GPS1: variants seen among roughly 807,000 people sequenced by gnomAD.
GPS1 encodes the protein COP9 signalosome complex subunit 1.
Under a neutral mutation model 60.0 loss-of-function variants are expected in GPS1, and 11 were observed. That is an observed-to-expected ratio of 0.18 (90% confidence interval 0.12 to 0.30). GPS1 has a LOEUF of 0.30. Ranked by LOEUF, GPS1 falls within the 10% of genes least tolerant of loss-of-function variation. GPS1 has a pLI of 1.00. For synonymous variants in GPS1, 343 were observed against 269.8 expected, an observed-to-expected ratio of 1.27 and a Z score of -2.66; for missense variants, 543 against 669.2, an observed-to-expected ratio of 0.81 and a Z score of 2.08.
Position 82,055,838 on chromosome 17 carries a change from C to T in GPS1, c.834+13C>T, listed in dbSNP as rs1200138932. On this transcript the variant is annotated intron_variant, in intron 7 of 12. Coordinates refer to ENST00000578552, the MANE Select transcript of GPS1 (RefSeq NM_001321092.3). ...TGACTTCCCTGAGGTGAGGAGCCCTCTGGGGACTTGGGAGGCAGAGCATGG... is the reference window on the plus strand; with the variant it reads ...TGACTTCCCTGAGGTGAGGAGCCCTTTGGGGACTTGGGAGGCAGAGCATGG... 2 of 1,558,406 alleles carry T rather than the reference C, an allele frequency of 1.3e-6. No individual in the cohort carries two copies. Among genetic ancestry groups the T allele is most frequent in the South Asian group, 2.3e-5 (2 of 85,142 alleles).
At chr17:82,052,586 G>T in intron 1 of GPS1, 1 of 1,199,058 alleles carries the variant, frequency 8.3e-7, no homozygotes. Context: ...CGCAGGAGGG[G>T]AGGGAGCCCC....
At chr17:82,055,915 G>T (rs2032576095) in intron 7 of GPS1, 86 bp from the exon 8 acceptor site, 2 of 1,436,734 alleles carry the variant, frequency 1.4e-6, no homozygotes, top group South Asian at 2.4e-5. Context: ...CACAAATGGG[G>T]TCTTAGGCAT....
At chr17:82,053,388 C>G (rs1306247809) in intron 2 of GPS1, 22 bp downstream of exon 2, 1 of 1,441,854 alleles carries the variant, frequency 6.9e-7, no homozygotes, top group Non-Finnish European at 9.1e-7. Context: ...AGTGGGGGGA[C>G]CTTGGGTGTC....
Position 82,054,891 on chromosome 17 carries a change from C to G in GPS1, c.610-7C>G, listed in dbSNP as rs748433801. 26 of 1,576,788 alleles carry G rather than the reference C, an allele frequency of 1.6e-5. No homozygotes were observed. The highest frequency in any genetic ancestry group is 2.2e-5 in the Non-Finnish European group (26 of 1,158,936). Reference sequence around the variant, plus strand: ...CGGGCTCACTTGGCTCTGCGCCCCCCCGCCAGGTCAGCGTCTACTTGCAGA... The same window carrying G: ...CGGGCTCACTTGGCTCTGCGCCCCCGCGCCAGGTCAGCGTCTACTTGCAGA... On this transcript the variant is annotated splice_region_variant and splice_polypyrimidine_tract_variant and intron_variant, in intron 4 of 12. Transcript: ENST00000578552.
At chr17:82,051,232 T>TTTC (rs2030510294), upstream of GPS1, 4 of 1,318,234 alleles carry the variant, frequency 3.0e-6, no homozygotes, top group African/African-American at 6.1e-5. The surrounding 1 kb of genome is among the most constrained non-coding windows in gnomAD (Gnocchi z 4.1). Context: ...GGGCCGTGGC[T>TTTC]TCGGAGCGAG....
Position 82,053,285 on chromosome 17 carries a change from G to A in GPS1, c.45G>A (p.Glu15=). ...GGCCCATGTTGCAGGGGGCCGTGGA[G>A]CCCATGCAGATCGACGTGGACCCCC... ...VQVFNLQGAV[E]PMQIDVDPQE... Residue 15 remains glutamate (E), a synonymous_variant, in exon 2 of 13, where the codon GAG becomes GAA. Coordinates refer to ENST00000578552, the MANE Select transcript of GPS1 (RefSeq NM_001321092.3). 6.5e-7 allele frequency: 1 copy of A among 1,547,616 alleles called. No individual in the cohort carries two copies. The highest frequency in any genetic ancestry group is 8.7e-7 in the Non-Finnish European group (1 of 1,155,934).
upstream of GPS1, chr17:82,051,792 C>G (rs117999554): frequency 0.64 from 721,709 of 1,120,804 alleles, 234,271 homozygotes; most frequent in African/African-American, 0.66. The surrounding 1 kb of genome is among the most constrained non-coding windows in gnomAD (Gnocchi z 4.1). Flanking sequence ...CCCGGCGCTG[C>G]GAGCGGAGAA....
intron 1 of GPS1, 165 bp from the exon 2 acceptor site, chr17:82,053,109 C>T (rs1242585826): frequency 1.0e-5 from 4 of 401,822 alleles, no homozygotes; most frequent in Admixed American, 1.2e-4. Context: ...TGGGTGGGGG[C>T]GGGGGTGACT....
upstream of GPS1, chr17:82,051,397 A>C (rs954426577): frequency 3.1e-5 from 44 of 1,408,920 alleles, no homozygotes; most frequent in South Asian, 2.7e-4. This position sits in a 1 kb window ranked among gnomAD's most constrained non-coding sequence, Gnocchi z 4.1. Context: ...CCGGAGACCG[A>C]CCCGCCCCGC....
Position 82,054,688 on chromosome 17 carries a change from G to A in GPS1, c.487G>A (p.Asp163Asn), listed in dbSNP as rs747847902. 1.2e-6 allele frequency: 2 copies of A among 1,611,772 alleles called. No individual in the cohort carries two copies. Among genetic ancestry groups the A allele is most frequent in the African/African-American group, 1.3e-5 (1 of 74,916 alleles). ...AGAGAGCATCCGGCGCGGCCACGAC[G>A]ACCTGGGCGACCACTACCTGGACTG... is the stretch of plus-strand genomic sequence containing the variant. The part of the protein sequence containing the change: ...IKESIRRGHD[D>N]LGDHYLDCGD... The change falls in exon 4 of 13, where the codon GAC (aspartate) becomes AAC (asparagine). Residue 163 changes from aspartate to asparagine, a missense_variant. Coordinates refer to ENST00000578552, the MANE Select transcript of GPS1 (RefSeq NM_001321092.3).
At chr17:82,051,523 AG>A (rs1378347869), upstream of GPS1, 1 of 1,395,572 alleles carries the variant, frequency 7.2e-7, no homozygotes, top group Non-Finnish European at 9.3e-7. This position sits in a 1 kb window ranked among gnomAD's most constrained non-coding sequence, Gnocchi z 4.1. Flanking sequence ...CGGGAGATCC[AG>A]GTGCGCAGCA....
chr17:82,052,106 G>T, intron 1 of GPS1, 142 bp downstream of exon 1: 1 of 835,876 alleles, frequency 1.2e-6, no homozygotes, highest in Non-Finnish European at 1.5e-6. Context: ...GGCAGCGCGC[G>T]TCGGGGGCTG....
rs771810470 is a variant in GPS1, at chr17:82,054,696, C to T, written c.495C>T (p.Gly165=). 11 of 1,611,932 alleles carry T rather than the reference C, an allele frequency of 6.8e-6. No homozygotes were observed. The highest frequency in any genetic ancestry group is 4.5e-5 in the East Asian group (2 of 44,888). The change falls in exon 4 of 13, where the codon GGC becomes GGT. Residue 165 remains glycine, a synonymous_variant. Transcript: ENST00000578552. Reference sequence around the variant, plus strand: ...TCCGGCGCGGCCACGACGACCTGGGCGACCACTACCTGGACTGTGGGGACC... The same window carrying T: ...TCCGGCGCGGCCACGACGACCTGGGTGACCACTACCTGGACTGTGGGGACC... ...ESIRRGHDDL[G]DHYLDCGDLS... is the part of the protein sequence containing the mutation.
In GPS1 at chr17:82,053,187, G is replaced by A. The variant is rs566002245; in HGVS notation, c.34-87G>A. 187 of 1,084,578 alleles carry A rather than the reference G, an allele frequency of 1.7e-4. 1 individual carries two copies. Among genetic ancestry groups the A allele is most frequent in the Non-Finnish European group, 3.9e-5 (31 of 803,422 alleles). The allele number at this position is 1,084,578 out of a possible 1,614,324, so 67.2% of individuals were successfully genotyped here. ...CGACTGGCCTGGAAGATCTTGGGCAGAGCTGACCTCAGAGAACAGTGCGGG... is the reference window on the plus strand; with the variant it reads ...CGACTGGCCTGGAAGATCTTGGGCAAAGCTGACCTCAGAGAACAGTGCGGG... On this transcript the variant is annotated intron_variant, in intron 1 of 12. Transcript: ENST00000578552.
At chr17:82,052,533 C>T (rs2031088923) in intron 1 of GPS1, 8 of 1,525,344 alleles carry the variant, frequency 5.2e-6, no homozygotes, top group Non-Finnish European at 6.2e-6. Flanking sequence ...TGTGGCTGGG[C>T]CCCTGCTGCT....
upstream of GPS1, chr17:82,051,140 G>C (rs1004391283): frequency 1.5e-6 from 2 of 1,317,294 alleles, no homozygotes; most frequent in South Asian, 4.7e-5. This position sits in a 1 kb window ranked among gnomAD's most constrained non-coding sequence, Gnocchi z 4.1. Flanking sequence ...TGGGCCCTCC[G>C]CAGGCCGCGT....
At chr17:82,055,892 G>A (rs1450738400) in intron 7 of GPS1, 67 bp downstream of exon 7, 1 of 1,462,480 alleles carries the variant, frequency 6.8e-7, no homozygotes, top group Non-Finnish European at 9.4e-7. Context: ...TTCTGTAGGA[G>A]GGTGAGGTCT....
At chr17:82,051,852 C>A (rs2030690209), upstream of GPS1, 1 of 1,130,352 alleles carries the variant, frequency 8.8e-7, no homozygotes, top group East Asian at 4.1e-5. The surrounding 1 kb of genome is among the most constrained non-coding windows in gnomAD (Gnocchi z 4.1). Flanking sequence ...ACGCAGCGGC[C>A]CCGCCCCGCC....
upstream of GPS1, chr17:82,051,250 C>T (rs2030514157): frequency 7.5e-7 from 1 of 1,334,446 alleles, no homozygotes; most frequent in Admixed American, 3.7e-5. The surrounding 1 kb of genome is among the most constrained non-coding windows in gnomAD (Gnocchi z 4.1). Flanking sequence ...GAGAAAGGCT[C>T]GGGGGGCAGA....
Sources: gnomAD v4.1 joint callset for allele counts on GRCh38, gnomAD v4.1.1 for gene constraint, Gnocchi (gnomAD v3.1) non-coding constraint, MANE v1.5 for transcripts, NCBI Gene and HGNC (gene_info 2026-07-23, HGNC 2026-07-21) for gene names.